The following TRAF4 variants were observed in gnomAD, a reference collection of about 807,000 sequenced individuals.
The protein encoded by TRAF4 is TNF receptor associated factor 4, also known as TNF receptor-associated factor 4.
In TRAF4, 9 loss-of-function variants were observed where a neutral mutation model predicts 47.3. The ratio of observed to expected loss-of-function variants is 0.19; its 90% CI spans 0.11 to 0.33. The LOEUF (loss-of-function observed/expected upper bound fraction) is 0.33, where lower values mean the gene tolerates loss of function less well. Ranked by LOEUF, TRAF4 falls within the 10% of genes least tolerant of loss-of-function variation. The pLI is 1.00. For missense variants in TRAF4, 448 were observed against 620.3 expected (o/e 0.72, Z 2.95); for synonymous variants, 236 against 236.9 (o/e 1.00, Z 0.04).
At chr17:28,745,131 C>T (rs761625236) in intron 1 of TRAF4, among the ~76,000 whole-genome samples, 8 of 152,248 alleles carry the variant, frequency 5.3e-5, no homozygotes, top group Non-Finnish European at 1.0e-4. Context: ...CGGCCACTGC[C>T]TGGCTGTTTG....
At chr17:28,744,366 T>G (rs2034474530) in intron 1 of TRAF4, 111 bp downstream of exon 1, 1 of 1,292,628 alleles carries the variant, frequency 7.7e-7, no homozygotes, top group Non-Finnish European at 1.0e-6. Flanking sequence ...TGCGACCCTG[T>G]GACCTCAGGG....
At position 28,749,717 on chromosome 17, in the gene TRAF4, C is replaced by A. The variant is rs1357351737; in HGVS notation, c.*140C>A. The stretch of plus-strand genomic sequence containing the variant: ...TACCCCATCCTCCCTCCCCCAGCCA[C>A]CACCCTCAGGTGCCTCCAATTGGTG... On this transcript the variant is annotated 3_prime_UTR_variant, in exon 7 of 7. Transcript: ENST00000262395. The A allele has an allele frequency of 2.1e-6, 3 of 1,415,402 alleles. No homozygotes were observed. In the South Asian group the frequency reaches 3.7e-5, roughly 17 times the overall value. The allele number at this position is 1,415,402 out of a possible 1,614,324, so 87.7% of individuals were successfully genotyped here.
chr17:28,750,151 AG>A lies in TRAF4; in HGVS notation c.*576del. 2 of 482,036 alleles carry A rather than the reference AG, an allele frequency of 4.1e-6. No individual in the cohort carries two copies. Among genetic ancestry groups the A allele is most frequent in the Non-Finnish European group, 7.4e-6 (2 of 270,816 alleles). The allele number at this position is 482,036 out of a possible 1,614,324, so 29.9% of individuals were successfully genotyped here. On this transcript the variant is annotated 3_prime_UTR_variant, in exon 7 of 7. Coordinates refer to ENST00000262395, the MANE Select transcript of TRAF4 (RefSeq NM_004295.4). ...GCTCAACCAAACTGAAGGCAAAGAA[AG>A]GACCAGTCAGAGAAGGGCCGCTGCC...
At position 28,744,021 on chromosome 17, in the gene TRAF4, G is replaced by GC; in HGVS notation, c.-89dup. 9.8e-7 allele frequency: 1 copy of GC among 1,020,848 alleles called. No homozygotes were observed. The highest frequency in any genetic ancestry group is 1.2e-6 in the Non-Finnish European group (1 of 855,994). The allele number at this position is 1,020,848 out of a possible 1,614,324, so 63.2% of individuals were successfully genotyped here. On this transcript the variant is annotated 5_prime_UTR_variant, in exon 1 of 7. Transcript: ENST00000262395. ...CTGGCCGCGACCGCCAGTCGGCGCCGCCCGGAGCCGGGAGCGCCGCTCCAG... is the reference window on the plus strand; with the variant it reads ...CTGGCCGCGACCGCCAGTCGGCGCCGCCCCGGAGCCGGGAGCGCCGCTCCAG...
intron 2 of TRAF4, 116 bp downstream of exon 2, chr17:28,747,380 G>A (rs747641406): frequency 6.0e-5 from 78 of 1,291,012 alleles, no homozygotes; most frequent in Non-Finnish European, 6.9e-5. Context: ...GGGATGGTGC[G>A]CCTCCACAAA....
In TRAF4 at chr17:28,749,235, T is replaced by A. The variant is rs1281368034; in HGVS notation, c.1071T>A (p.Ser357Arg). 1 of 1,614,006 alleles carries A rather than the reference T, an allele frequency of 6.2e-7. No individual in the cohort carries two copies. The highest frequency in any genetic ancestry group is 8.5e-7 in the Non-Finnish European group (1 of 1,180,056). ...QVSAFLNGNG[S>R]GEGTHLSLYI... The stretch of plus-strand genomic sequence containing the variant: ...CTGCATTCCTCAATGGCAATGGCAG[T>A]GGTGAGGGCACACACCTCTCACTGT... Residue 357 changes from serine to arginine, a missense_variant, in exon 7 of 7, where the codon AGT becomes AGA. Physicochemically the swap from Ser to Arg is moderately radical, Grantham distance 110. Transcript: ENST00000262395.
In TRAF4 at chr17:28,749,289, C is replaced by T. The variant is rs770910838; in HGVS notation, c.1125C>T (p.Asp375=). ...LYIRVLPGAF[D]NLLEWPFARR... ...TTCGTGTGCTGCCTGGTGCCTTTGACAATCTCCTTGAGTGGCCCTTTGCCC... is the reference window on the plus strand; with the variant it reads ...TTCGTGTGCTGCCTGGTGCCTTTGATAATCTCCTTGAGTGGCCCTTTGCCC... Residue 375 remains aspartate, a synonymous_variant, in exon 7 of 7, where the codon GAC becomes GAT. Transcript: ENST00000262395. The T allele has an allele frequency of 2.5e-6, 4 of 1,614,122 alleles. No homozygotes were observed. The highest frequency in any genetic ancestry group is 1.7e-6 in the Non-Finnish European group (2 of 1,180,048).
At chr17:28,746,887 G>A in intron 1 of TRAF4, 1 of 258,430 alleles carries the variant, frequency 3.9e-6, no homozygotes, top group African/African-American at 2.2e-5. Flanking sequence ...CTAGGGGGAG[G>A]GGGTGACTGT....
At chr17:28,747,525 G>C (rs2034533804) in intron 2 of TRAF4, 1 of 577,176 alleles carries the variant, frequency 1.7e-6, no homozygotes, top group African/African-American at 1.9e-5. Context: ...TCCCCTTCCG[G>C]TGGCAAGCCA....
chr17:28,747,670 T>A, intron 2 of TRAF4, 173 bp from the exon 3 acceptor site: 1 of 637,694 alleles, frequency 1.6e-6, no homozygotes, highest in Non-Finnish European at 2.7e-6. Context: ...GGACCCAGCA[T>A]CAGAGCAGAT....
At chr17:28,746,091 G>A (rs1412877481) in intron 1 of TRAF4, among the ~76,000 whole-genome samples, 1 of 152,254 alleles carries the variant, frequency 6.6e-6, no homozygotes, top group Non-Finnish European at 1.5e-5. Flanking sequence ...GGAGGTGGGT[G>A]CTAGAAATCC....
chr17:28,749,513 ATG>A lies in TRAF4; in HGVS notation c.1352_1353del (p.Val451AlafsTer3). The A allele has an allele frequency of 1.2e-6, 2 of 1,613,786 alleles. No individual in the cohort carries two copies. Among genetic ancestry groups the A allele is most frequent in the Non-Finnish European group, 1.7e-6 (2 of 1,180,006 alleles). Reference sequence around the variant, plus strand: ...CACCAGGACATTCGAAAGCGAAACTATGTGCGGGATGATGCAGTCTTCATCCG... The same window carrying A: ...CACCAGGACATTCGAAAGCGAAACTATGCGGGATGATGCAGTCTTCATCCG... On this transcript the variant is annotated frameshift_variant, in exon 7 of 7. Transcript: ENST00000262395. LOFTEE classifies it high-confidence loss of function.
intron 2 of TRAF4, chr17:28,747,547 G>T: frequency 1.7e-6 from 1 of 577,958 alleles, no homozygotes; most frequent in Non-Finnish European, 3.1e-6. Flanking sequence ...ACCTGTGGCT[G>T]AGGGCCAGTA....
Position 28,750,210 on chromosome 17 carries a change from G to A in TRAF4, c.*633G>A. 1 of 355,260 alleles carries A rather than the reference G, an allele frequency of 2.8e-6. No individual in the cohort carries two copies. Among genetic ancestry groups the A allele is most frequent in the Non-Finnish European group, 5.1e-6 (1 of 194,820 alleles). 22.0% of individuals were successfully genotyped at this position (355,260 alleles called of 1,614,324 possible). On this transcript the variant is annotated 3_prime_UTR_variant, in exon 7 of 7. Coordinates refer to ENST00000262395, the MANE Select transcript of TRAF4 (RefSeq NM_004295.4). ...GGCCCCAGGATCCAGCTTACCTGCT[G>A]GCTCGCCCTCTGATGGACGCCGGGA...
Position 28,747,283 on chromosome 17 carries a change from G to A in TRAF4, c.195+19G>A, listed in dbSNP as rs1463553088. 6.2e-7 allele frequency: 1 copy of A among 1,612,078 alleles called. No individual in the cohort carries two copies. Among genetic ancestry groups the A allele is most frequent in the Non-Finnish European group, 8.5e-7 (1 of 1,179,110 alleles). On this transcript the variant is annotated intron_variant, in intron 2 of 6. Transcript: ENST00000262395. Reference sequence around the variant, plus strand: ...TGCCAAGGTGAGTCCACACTGCCAGGAAGAAGCCCAAGCACAGTCTGTTGC... The same window carrying A: ...TGCCAAGGTGAGTCCACACTGCCAGAAAGAAGCCCAAGCACAGTCTGTTGC...
At chr17:28,747,533 C>CCAGACCTGTGGCTGAGGGCCT in intron 2 of TRAF4, 1 of 580,504 alleles carries the variant, frequency 1.7e-6, no homozygotes, top group Non-Finnish European at 3.0e-6. Flanking sequence ...CGGTGGCAAG[C>CCAGACCTGTGGCTGAGGGCCT]CAGACCTGTG....
Position 28,748,617 on chromosome 17 carries a change from A to G in TRAF4, c.731A>G (p.Asn244Ser). 1 of 1,608,804 alleles carries G rather than the reference A, an allele frequency of 6.2e-7. No homozygotes were observed. Among genetic ancestry groups the G allele is most frequent in the African/African-American group, 1.3e-5 (1 of 74,936 alleles). ...CCAGGCCATCTGAAGGACAGCTGTA[A>G]CACCGCCCTGGTGCTCTGCCCATTC... ...DLPGHLKDSC[N>S]TALVLCPFKD... is the part of the protein sequence containing the mutation. The change falls in exon 6 of 7, where the codon AAC becomes AGC. Residue 244 changes from asparagine (N) to serine (S), a missense_variant. By Grantham distance (46) the Asn-to-Ser change is conservative. Coordinates refer to ENST00000262395, the MANE Select transcript of TRAF4 (RefSeq NM_004295.4).
intron 1 of TRAF4, among the ~76,000 whole-genome samples, chr17:28,745,947 T>C (rs2034506888): frequency 6.6e-6 from 1 of 152,114 alleles, no homozygotes; most frequent in South Asian, 2.1e-4. Flanking sequence ...CACCCCTCTT[T>C]CCCCACTCCT....
At chr17:28,747,697 T>C (rs1385377362) in intron 2 of TRAF4, 146 bp from the exon 3 acceptor site, 18 of 724,052 alleles carry the variant, frequency 2.5e-5, no homozygotes, top group African/African-American at 5.3e-5. Flanking sequence ...TGCTGTGCCC[T>C]TCATCCCTGG....
Sources: allele counts gnomAD v4.1 joint callset (sites outside exome capture counted in the v4.1 genomes callset), GRCh38; gene constraint gnomAD v4.1.1; transcripts MANE v1.5; gene names NCBI Gene and HGNC (gene_info 2026-07-23, HGNC 2026-07-21).